The following POLR1F variants were observed in gnomAD, a reference collection of about 807,000 sequenced individuals.
The protein encoded by POLR1F is DNA-directed RNA polymerase I subunit RPA43.
POLR1F carries 23 observed loss-of-function variants against 21.8 expected under a neutral mutation model. The observed-to-expected ratio is 1.05, with a 90% CI of 0.76 to 1.49. POLR1F has a LOEUF of 1.49. Ranked by LOEUF, POLR1F falls within the 40% of genes most tolerant of loss-of-function variation. The pLI is 0.00. For synonymous variants in POLR1F, 162 were observed against 152.8 expected (o/e 1.06, Z -0.45); for missense variants, 435 against 412.1 (o/e 1.06, Z -0.48).
intron 3 of POLR1F, among the ~76,000 whole-genome samples, chr7:19,699,447 C>A (rs530810927): frequency 2.0e-5 from 3 of 152,166 alleles, no homozygotes; most frequent in Non-Finnish European, 2.9e-5. Flanking sequence ...TGTATATAAA[C>A]TGTATTTCTG....
intron 1 of POLR1F, among the ~76,000 whole-genome samples, chr7:19,705,762 G>T (rs993380688): frequency 3.9e-5 from 6 of 152,148 alleles, no homozygotes; most frequent in African/African-American, 1.4e-4. Context: ...TAAGGAGAAA[G>T]ACCTAGTGGT....
At chr7:19,703,631 G>A (rs866917164) in intron 2 of POLR1F, among the ~76,000 whole-genome samples, 1 of 152,096 alleles carries the variant, frequency 6.6e-6, no homozygotes, top group Non-Finnish European at 1.5e-5. Flanking sequence ...GGGTCTCACT[G>A]TTGCCTAGGC....
rs1783579925 is a variant in POLR1F, at chr7:19,708,987, C to T, written c.30G>A (p.Arg10=). 3 of 1,595,014 alleles carry T rather than the reference C, an allele frequency of 1.9e-6. No individual in the cohort carries two copies. Among genetic ancestry groups the T allele is most frequent in the South Asian group, 2.2e-5 (2 of 90,758 alleles). ...GAGACCCATCAGAAGCCGCCGCTGG[C>T]CGCGGCGCCTCTGAGCAACCTGCAG... MAAGCSEAP[R]PAAASDGSLV... Residue 10 remains arginine (R), a synonymous_variant, in exon 1 of 4, where the codon CGG becomes CGA. Coordinates refer to ENST00000222567, the MANE Select transcript of POLR1F (RefSeq NM_001002926.2).
chr7:19,700,308 A>AACAT (rs1469459694), intron 2 of POLR1F, 28 bp from the exon 3 acceptor site: 1 of 1,555,714 alleles, frequency 6.4e-7, no homozygotes, highest in African/African-American at 1.4e-5. Context: ...GAAAGAGCGT[A>AACAT]ACATAAAGAA....
At position 19,695,589 on chromosome 7, in the gene POLR1F, T is replaced by C. The variant is rs1783348915; in HGVS notation, c.*2727A>G. The C allele has an allele frequency of 6.6e-6, 1 of 152,146 alleles. No homozygotes were observed. 9.4% of individuals were successfully genotyped at this position (152,146 alleles called of 1,614,324 possible). ...ATAATTCCAGCCCTCAGGAAACTTATTTGGTCAAGACAAATTTGATTAAGA... is the reference window on the plus strand; with the variant it reads ...ATAATTCCAGCCCTCAGGAAACTTACTTGGTCAAGACAAATTTGATTAAGA... On this transcript the variant is annotated 3_prime_UTR_variant, in exon 4 of 4. Transcript: ENST00000222567.
chr7:19,704,725 G>A, intron 2 of POLR1F, 54 bp downstream of exon 2: 2 of 1,481,358 alleles, frequency 1.4e-6, no homozygotes, highest in East Asian at 2.4e-5. Context: ...AATGTTCCAA[G>A]TTACATAATT....
chr7:19,700,832 T>C (rs1409188124), intron 2 of POLR1F, among the ~76,000 whole-genome samples: 1 of 152,224 alleles, frequency 6.6e-6, no homozygotes, highest in Non-Finnish European at 1.5e-5. Flanking sequence ...ACCCTTTAAA[T>C]GTAAATATTG....
chr7:19,704,025 T>C (rs987521725), intron 2 of POLR1F, among the ~76,000 whole-genome samples: 3 of 152,254 alleles, frequency 2.0e-5, no homozygotes, highest in Non-Finnish European at 4.4e-5. Flanking sequence ...CAAAGGATAC[T>C]ACTTGTATTA....
chr7:19,708,412 G>A (rs575210918), intron 1 of POLR1F, among the ~76,000 whole-genome samples: 12 of 152,272 alleles, frequency 7.9e-5, no homozygotes, highest in Middle Eastern at 6.8e-3. Context: ...CATCCGTAAG[G>A]GGATAAATGA....
intron 1 of POLR1F, chr7:19,705,269 G>A (rs1167340630): frequency 1.2e-5 from 2 of 167,698 alleles, no homozygotes; most frequent in Admixed American, 6.4e-5. Flanking sequence ...GGATTCTGAT[G>A]TGTTGGCTAA....
intron 2 of POLR1F, among the ~76,000 whole-genome samples, chr7:19,703,447 T>TTAA (rs1260111604): frequency 5.9e-5 from 9 of 152,104 alleles, no homozygotes; most frequent in South Asian, 2.1e-4. Context: ...TCACCAAATA[T>TTAA]TAATAATAAT....
In POLR1F at chr7:19,708,766, T is replaced by C; in HGVS notation, c.251A>G (p.Glu84Gly). The C allele has an allele frequency of 2.5e-6, 4 of 1,610,996 alleles. No individual in the cohort carries two copies. Among genetic ancestry groups the C allele is most frequent in the Non-Finnish European group, 3.4e-6 (4 of 1,177,432 alleles). The change falls in exon 1 of 4, where the codon GAG (glutamate) becomes GGG (glycine). Residue 84 changes from glutamate (E) to glycine (G), a missense_variant. Glu to Gly is a moderately conservative substitution (Grantham distance 98). Transcript: ENST00000222567. ...QLDAELLRYS[E>G]SLLGVPIAYD... ...GAACAGGCAAAGAGATCGGTACCTC[T>C]CAGAATAGCGAAGGAGCTCCGCATC... is the stretch of plus-strand genomic sequence containing the variant.
chr7:19,698,567 T>C lies in POLR1F; in HGVS notation c.766A>G (p.Met256Val), dbSNP rs146190540. ...GTATTCTGCAGGGCTGACTCTTCCA[T>C]TGGAGTGTCATCTGCATCATCTGCT... ...KLADDADDTPMEESALQNTNN... is the reference protein window; with the variant it reads ...KLADDADDTPVEESALQNTNN... Residue 256 changes from methionine to valine, a missense_variant, in exon 4 of 4, where the codon ATG (methionine) becomes GTG (valine). Physicochemically the swap from Met to Val is conservative, Grantham distance 21 (BLOSUM62 1). Coordinates refer to ENST00000222567, the MANE Select transcript of POLR1F (RefSeq NM_001002926.2). 67 of 1,613,340 alleles carry C rather than the reference T, an allele frequency of 4.2e-5. No homozygotes were observed. The African/African-American group carries it at 6.8e-4, about 16-fold the overall frequency.
At position 19,704,335 on chromosome 7, in the gene POLR1F, C is replaced by T. The variant is rs79988172; in HGVS notation, c.396+444G>A. Among the ~76,000 whole-genome samples the T allele has an allele frequency of 9.8e-3, 1,489 of 152,298 alleles. 10 individuals carry two copies. Among genetic ancestry groups the T allele is most frequent in the Non-Finnish European group, 0.014 (984 of 68,026 alleles). ...ATGAAAAACTGGAAGACCTTTCCCA[C>T]AGAGCTTCCATTTCCAAGGCACAGA... On this transcript the variant is annotated intron_variant, in intron 2 of 3. Transcript: ENST00000222567.
Position 19,698,700 on chromosome 7 carries a change from AG to A in POLR1F, c.632del (p.Ser211LeufsTer37). On this transcript the variant is annotated frameshift_variant, in exon 4 of 4. Transcript: ENST00000222567. LOFTEE classifies it low-confidence loss of function (END_TRUNC). ...TSLQFKRSEV[S>X]EEVTENGTEE... ...CAGTGCCATTTTCTGTAACTTCTTC[AG>A]AAACTTCAGAGCGCTTGAATTGTAA... The A allele has an allele frequency of 6.4e-7, 1 of 1,562,660 alleles. No homozygotes were observed. Among genetic ancestry groups the A allele is most frequent in the Non-Finnish European group, 8.6e-7 (1 of 1,165,000 alleles).
At position 19,697,736 on chromosome 7, in the gene POLR1F, C is replaced by T. The variant is rs1783390269; in HGVS notation, c.*580G>A. ...AGAAAGAAAAGAAAATAATGAATAG[C>T]ATTTACCACCACACAGTCAGTACTG... On this transcript the variant is annotated 3_prime_UTR_variant, in exon 4 of 4. Coordinates refer to ENST00000222567, the MANE Select transcript of POLR1F (RefSeq NM_001002926.2). 6.6e-6 allele frequency: 1 copy of T among 152,120 alleles called. No homozygotes were observed. The highest frequency in any genetic ancestry group is 2.1e-4 in the South Asian group (1 of 4,832). 9.4% of individuals were successfully genotyped at this position (152,120 alleles called of 1,614,324 possible).
chr7:19,703,803 A>C (rs1783478641), intron 2 of POLR1F, among the ~76,000 whole-genome samples: 1 of 152,166 alleles, frequency 6.6e-6, no homozygotes, highest in South Asian at 2.1e-4. Context: ...TATGTTGCCC[A>C]CGTTGGTCTT....
At chr7:19,704,574 C>T (rs79762820) in intron 2 of POLR1F, among the ~76,000 whole-genome samples, 3,056 of 152,160 alleles carry the variant, frequency 0.02, 118 homozygotes, top group African/African-American at 0.071. Flanking sequence ...GGACATATAT[C>T]GTGTGCATGT....
chr7:19,700,592 A>T (rs1031505751), intron 2 of POLR1F, among the ~76,000 whole-genome samples: 2 of 152,170 alleles, frequency 1.3e-5, no homozygotes, highest in African/African-American at 4.8e-5. Flanking sequence ...TGTCCAAGAA[A>T]AAAAACCATC....
Sources: gnomAD v4.1 joint callset for allele counts (sites outside exome capture counted in the v4.1 genomes callset) on GRCh38, gnomAD v4.1.1 for gene constraint, MANE v1.5 for transcripts, NCBI Gene and HGNC (gene_info 2026-07-23, HGNC 2026-07-21) for gene names.